CSMD1: variants seen among roughly 807,000 people sequenced by gnomAD.
The protein encoded by CSMD1 is CUB and Sushi multiple domains 1.
In CSMD1, 213 loss-of-function variants were observed where a neutral mutation model predicts 417.5. The ratio of observed to expected loss-of-function variants is 0.51; its 90% CI spans 0.46 to 0.57. The LOEUF is 0.57. CSMD1 is among the 20% of genes least tolerant of loss of function. CSMD1 has a pLI of 0.00. For synonymous variants in CSMD1, 2,862 were observed against 1,736.8 expected (o/e 1.65, Z -16.11); for missense variants, 6,923 against 4,529.7 (o/e 1.53, Z -15.17).
At chr8:4,714,011 G>T (rs372225415) in intron 1 of CSMD1, among the ~76,000 whole-genome samples, 1 of 152,174 alleles carries the variant, frequency 6.6e-6, no homozygotes, top group South Asian at 2.1e-4. Context: ...CAAGCATGGT[G>T]GCAGGTGCCT....
chr8:4,324,921 G>C (rs991331737), intron 3 of CSMD1, among the ~76,000 whole-genome samples: 1 of 152,072 alleles, frequency 6.6e-6, no homozygotes, highest in Admixed American at 6.6e-5. Flanking sequence ...TCTAGGTATG[G>C]GGCCTCTTCA....
chr8:3,257,042 C>T (rs912666240), intron 26 of CSMD1, among the ~76,000 whole-genome samples: 4 of 152,156 alleles, frequency 2.6e-5, no homozygotes, highest in Non-Finnish European at 5.9e-5. Flanking sequence ...CTTCTGAGGG[C>T]CAGGTACAGT....
chr8:4,719,204 G>C (rs1808887766), intron 1 of CSMD1, among the ~76,000 whole-genome samples: 1 of 152,160 alleles, frequency 6.6e-6, no homozygotes. Context: ...GCAGGGGTGG[G>C]GGAGACTAGA....
At chr8:4,754,069 G>A (rs1023192145) in intron 1 of CSMD1, among the ~76,000 whole-genome samples, 2 of 152,016 alleles carry the variant, frequency 1.3e-5, no homozygotes, top group Non-Finnish European at 2.9e-5. Flanking sequence ...TGTATGCGTT[G>A]CTCACCATAT....
At chr8:4,630,187 A>C (rs904717587) in intron 2 of CSMD1, among the ~76,000 whole-genome samples, 1 of 151,994 alleles carries the variant, frequency 6.6e-6, no homozygotes, top group Non-Finnish European at 1.5e-5. Flanking sequence ...TCTCTCTTAC[A>C]TGTTTTCTTA....
chr8:4,012,173 A>G (rs150561604), intron 4 of CSMD1, among the ~76,000 whole-genome samples: 2,342 of 152,186 alleles, frequency 0.015, 25 homozygotes, highest in Non-Finnish European at 0.023. Context: ...TGCAGAACCC[A>G]CCAGTAAACA....
intron 1 of CSMD1, among the ~76,000 whole-genome samples, chr8:4,868,087 T>A (rs997867835): frequency 6.6e-6 from 1 of 152,072 alleles, no homozygotes; most frequent in Non-Finnish European, 1.5e-5. Context: ...GAAAAAGCAA[T>A]TTAAAACGAC....
At chr8:4,276,948 G>A (rs139773215) in intron 3 of CSMD1, among the ~76,000 whole-genome samples, 99 of 152,064 alleles carry the variant, frequency 6.5e-4, no homozygotes, top group African/African-American at 1.5e-3. Flanking sequence ...GTATGTTTTC[G>A]TATACCAACA....
At chr8:4,236,055 T>TTTTTTTTTTTTTTTTTTTTTTTTTTTG (rs1802038108) in intron 3 of CSMD1, among the ~76,000 whole-genome samples, 6 of 83,748 alleles carry the variant, frequency 7.2e-5, no homozygotes, top group Non-Finnish European at 1.0e-4. Flanking sequence ...TTTTTTTTTT[T>TTTTTTTTTTTTTTTTTTTTTTTTTTTG]TTTTTTTTTT....
intron 6 of CSMD1, among the ~76,000 whole-genome samples, chr8:3,736,219 TTGTG>T (rs967789589): frequency 3.8e-4 from 58 of 152,068 alleles, no homozygotes; most frequent in African/African-American, 5.3e-4. Flanking sequence ...CACTCAACAT[TTGTG>T]TGTGTGTGTA....
intron 2 of CSMD1, among the ~76,000 whole-genome samples, chr8:4,528,206 A>G (rs1796615811): frequency 6.6e-6 from 1 of 152,134 alleles, no homozygotes; most frequent in Non-Finnish European, 1.5e-5. Flanking sequence ...GCTGTTTCCA[A>G]CTTTCTGTTC....
chr8:2,961,000 A>G (rs1230154060), intron 62 of CSMD1, 141 bp downstream of exon 62: 3 of 252,810 alleles, frequency 1.2e-5, no homozygotes, highest in African/African-American at 2.2e-5. Flanking sequence ...AAACACATGT[A>G]GAAATCCCCT....
At chr8:3,846,967 G>A (rs762203871) in intron 5 of CSMD1, among the ~76,000 whole-genome samples, 4 of 152,128 alleles carry the variant, frequency 2.6e-5, no homozygotes, top group Admixed American at 6.5e-5. Context: ...GAGCCACTGC[G>A]CCTGGCCCCA....
At chr8:3,678,868 C>G (rs146719743) in intron 7 of CSMD1, among the ~76,000 whole-genome samples, 23,657 of 152,164 alleles carry the variant, frequency 0.16, 2,064 homozygotes, top group South Asian at 0.22. Context: ...CCAGAAAAGA[C>G]TGGGGGCCAA....
At chr8:4,570,841 G>C (rs970836542) in intron 2 of CSMD1, among the ~76,000 whole-genome samples, 3 of 152,048 alleles carry the variant, frequency 2.0e-5, no homozygotes, top group African/African-American at 7.2e-5. Context: ...GTCTATTTCG[G>C]GATTCGGCTT....
intron 2 of CSMD1, among the ~76,000 whole-genome samples, chr8:4,543,387 T>C (rs1797485491): frequency 6.6e-6 from 1 of 152,160 alleles, no homozygotes; most frequent in East Asian, 1.9e-4. Context: ...TATCTGGAAT[T>C]ATACAGTTTG....
chr8:3,741,955 T>C (rs1796827765), intron 6 of CSMD1, among the ~76,000 whole-genome samples: 1 of 150,122 alleles, frequency 6.7e-6, no homozygotes, highest in Admixed American at 6.7e-5. Context: ...GCAAATCTAA[T>C]TCCACTTTTT....
intron 23 of CSMD1, among the ~76,000 whole-genome samples, chr8:3,328,687 C>T (rs1387548117): frequency 3.9e-5 from 6 of 151,934 alleles, no homozygotes; most frequent in Admixed American, 1.3e-4. Context: ...ACACAAAATA[C>T]GTTGGCAGAG....
At chr8:4,551,612 C>T (rs572179820) in intron 2 of CSMD1, among the ~76,000 whole-genome samples, 408 of 152,208 alleles carry the variant, frequency 2.7e-3, no homozygotes, top group African/African-American at 9.5e-3. Flanking sequence ...CCATCAAATC[C>T]AGGCTTCTCA....
Sources: gnomAD v4.1 joint callset for allele counts (sites outside exome capture counted in the v4.1 genomes callset) on GRCh38, gnomAD v4.1.1 for gene constraint, MANE v1.5 for transcripts, NCBI Gene and HGNC (gene_info 2026-07-23, HGNC 2026-07-21) for gene names.